TPRG1: variants seen among roughly 807,000 people sequenced by gnomAD.
TPRG1 encodes the protein tumor protein p63 regulated 1, also known as tumor protein p63-regulated gene 1 protein.
In TPRG1, 29 loss-of-function variants were observed where a neutral mutation model predicts 29.3. That is an observed-to-expected ratio of 0.99 (90% CI 0.74 to 1.35). The LOEUF (loss-of-function observed/expected upper bound fraction) is 1.35, where lower values mean the gene tolerates loss of function less well. TPRG1 is among the 40% of genes most tolerant of loss of function. The pLI is 0.00. For missense variants in TPRG1, 327 were observed against 335.0 expected, an observed-to-expected ratio of 0.98 and a Z score of 0.19; for synonymous variants, 130 against 116.8, an observed-to-expected ratio of 1.11 and a Z score of -0.73.
chr3:189,310,535 G>T lies in TPRG1; in HGVS notation c.629G>T (p.Cys210Phe), dbSNP rs753225197. 6.2e-7 allele frequency: 1 copy of T among 1,608,924 alleles called. No individual in the cohort carries two copies. The part of the protein sequence containing the change: ...KYTSEKFLEI[C>F]KLSGFMSKLV... Reference sequence around the variant, plus strand: ...ACCAGTGAGAAATTCCTTGAAATTTGCAAGGTAGGAGGCATCTTGGGTATT... The same window carrying T: ...ACCAGTGAGAAATTCCTTGAAATTTTCAAGGTAGGAGGCATCTTGGGTATT... Residue 210 changes from cysteine to phenylalanine, a missense_variant, in exon 5 of 6, where the codon TGC becomes TTC. Transcript: ENST00000345063.
chr3:189,202,881 T>C (rs1386140098), intron 1 of TPRG1, among the ~76,000 whole-genome samples: 1 of 152,184 alleles, frequency 6.6e-6, no homozygotes. Flanking sequence ...CAAAAGTGCC[T>C]CCAGTTTGCC....
intron 3 of TPRG1, among the ~76,000 whole-genome samples, chr3:189,229,872 C>T (rs147924313): frequency 1.4e-4 from 22 of 152,282 alleles, no homozygotes; most frequent in African/African-American, 3.6e-4. Context: ...CAAGCTGTAA[C>T]GAACATACTA....
intron 4 of TPRG1, among the ~76,000 whole-genome samples, chr3:189,072,306 A>G (rs1034502794): frequency 3.3e-5 from 5 of 152,300 alleles, no homozygotes; most frequent in Admixed American, 2.0e-4. Flanking sequence ...TAAGAATCCA[A>G]TCTAGAGTCA....
intron 1 of TPRG1, among the ~76,000 whole-genome samples, chr3:189,122,391 C>A (rs1721930521): frequency 6.6e-6 from 1 of 152,222 alleles, no homozygotes; most frequent in Non-Finnish European, 1.5e-5. Flanking sequence ...TCACATCTCC[C>A]TATGCTTTTC....
intron 1 of TPRG1, among the ~76,000 whole-genome samples, chr3:189,112,503 T>C (rs1266974591): frequency 6.6e-6 from 1 of 152,198 alleles, no homozygotes; most frequent in Non-Finnish European, 1.5e-5. Context: ...GTTTTTATGG[T>C]TTTAGGTCTA....
intron 4 of TPRG1, among the ~76,000 whole-genome samples, chr3:189,045,963 AAGGGAAAACTC>A (rs1200336154): frequency 6.6e-6 from 1 of 152,210 alleles, no homozygotes; most frequent in Non-Finnish European, 1.5e-5. Context: ...GCAAAAGAAT[AAGGGAAAACTC>A]AGCAGCAGGA....
At chr3:189,225,222 C>T (rs764649820) in intron 3 of TPRG1, among the ~76,000 whole-genome samples, 64 of 152,190 alleles carry the variant, frequency 4.2e-4, no homozygotes, top group Non-Finnish European at 8.1e-4. Flanking sequence ...TGAGCCATCA[C>T]GCCCTGCCGT....
intron 3 of TPRG1, among the ~76,000 whole-genome samples, chr3:189,139,158 G>T: frequency 6.6e-6 from 1 of 152,216 alleles, no homozygotes; most frequent in Admixed American, 6.5e-5. Context: ...AGGAGGACCT[G>T]GTTGAAAATT....
chr3:189,291,027 G>A (rs1396405075), intron 4 of TPRG1, among the ~76,000 whole-genome samples: 3 of 151,930 alleles, frequency 2.0e-5, no homozygotes, highest in African/African-American at 7.2e-5. Context: ...TCAGCCTCCC[G>A]AGTAGCTGGG....
chr3:189,310,829 C>T (rs1477647312), intron 5 of TPRG1, among the ~76,000 whole-genome samples: 1 of 151,976 alleles, frequency 6.6e-6, no homozygotes, highest in Non-Finnish European at 1.5e-5. Flanking sequence ...TACTTTCCCA[C>T]ATATAATCAC....
At chr3:189,052,930 G>T (rs1271378559) in intron 4 of TPRG1, among the ~76,000 whole-genome samples, 1 of 152,120 alleles carries the variant, frequency 6.6e-6, no homozygotes, top group South Asian at 2.1e-4. Context: ...TGGGGACTTG[G>T]GGGGAAGAGT....
intron 3 of TPRG1, among the ~76,000 whole-genome samples, chr3:189,013,985 C>T (rs1169791776): frequency 1.3e-5 from 2 of 152,032 alleles, no homozygotes; most frequent in African/African-American, 4.8e-5. Context: ...TCATTGGGGG[C>T]CCATGTCGTC....
At chr3:189,132,908 A>T (rs753557539) in intron 3 of TPRG1, among the ~76,000 whole-genome samples, 1 of 152,114 alleles carries the variant, frequency 6.6e-6, no homozygotes, top group Non-Finnish European at 1.5e-5. Context: ...CACTGAGCTA[A>T]GTTCTGTGGG....
intron 3 of TPRG1, among the ~76,000 whole-genome samples, chr3:189,134,449 G>A (rs1171722691): frequency 1.1e-5 from 1 of 90,262 alleles, no homozygotes; most frequent in African/African-American, 4.0e-5. Flanking sequence ...GCCTCTCTTT[G>A]TTGCCCAGGA....
chr3:189,085,452 T>TGTGTGTGTGTGC (rs1553900891), intron 4 of TPRG1, among the ~76,000 whole-genome samples: 61 of 148,608 alleles, frequency 4.1e-4, no homozygotes, highest in African/African-American at 1.5e-3. Context: ...TGTGCATGTG[T>TGTGTGTGTGTGC]GTGTGTGTGT....
intron 4 of TPRG1, among the ~76,000 whole-genome samples, chr3:189,061,791 A>G (rs948315454): frequency 2.0e-5 from 3 of 151,940 alleles, no homozygotes; most frequent in Admixed American, 1.3e-4. Context: ...AAAGTAACAG[A>G]TGATAGTAAG....
At chr3:189,041,569 G>C (rs756893634) in intron 4 of TPRG1, among the ~76,000 whole-genome samples, 1 of 152,198 alleles carries the variant, frequency 6.6e-6, no homozygotes, top group African/African-American at 2.4e-5. Context: ...TGGGGCATGG[G>C]CAAGGCACTC....
At position 189,182,609 on chromosome 3, in the gene TPRG1, C is replaced by T. The variant is rs1345395266; in HGVS notation, c.-10+10478C>T. On this transcript the variant is annotated intron_variant, in intron 1 of 5. Transcript: ENST00000345063. ...AATCTTTGATCCAGCACTCCCACTT[C>T]TGGAAATTTATACTGAAAAAGAAAT... Among the ~76,000 whole-genome samples, 3 of 152,036 alleles carry T rather than the reference C, an allele frequency of 2.0e-5. No individual in the cohort carries two copies. In the East Asian group the frequency reaches 5.8e-4, roughly 29 times the overall value.
chr3:189,057,276 G>A (rs1052843747), intron 4 of TPRG1, among the ~76,000 whole-genome samples: 4 of 152,154 alleles, frequency 2.6e-5, no homozygotes, highest in African/African-American at 7.2e-5. Context: ...GCTTGCTCAC[G>A]TTTGCATTGG....
Sources: gnomAD v4.1 joint callset for allele counts (sites outside exome capture counted in the v4.1 genomes callset) on GRCh38, gnomAD v4.1.1 for gene constraint, MANE v1.5 for transcripts, NCBI Gene and HGNC (gene_info 2026-07-23, HGNC 2026-07-21) for gene names.